The following LAMA3 variants were observed in gnomAD, a reference collection of about 807,000 sequenced individuals.
LAMA3 encodes the protein laminin subunit alpha 3.
In LAMA3, 281 loss-of-function variants were observed where a neutral mutation model predicts 402.0. The ratio of observed to expected loss-of-function variants is 0.70; its 90% confidence interval spans 0.63 to 0.77. The LOEUF is 0.77. Ranked by LOEUF, LAMA3 falls within the 30% of genes least tolerant of loss-of-function variation. The pLI is 0.00. For missense variants in LAMA3, 3,840 were observed against 4,215.5 expected (o/e 0.91, Z 2.47); for synonymous variants, 1,431 against 1,558.4 (o/e 0.92, Z 1.93).
In LAMA3 at chr18:23,927,609, T is replaced by G. The variant is rs79590478; in HGVS notation, c.8178-514T>G. Among the ~76,000 whole-genome samples the G allele has an allele frequency of 7.3e-3, 1,108 of 152,286 alleles. 20 individuals are homozygous for G. The highest frequency in any genetic ancestry group is 0.025 in the African/African-American group (1,045 of 41,552). On this transcript the variant is annotated intron_variant, in intron 62 of 74. Coordinates refer to ENST00000313654, the MANE Select transcript of LAMA3 (RefSeq NM_198129.4). ...TCAAGCTACGTTTTTCATAATTGAA[T>G]AGAACCAAAAAGTAACACTTTGTTT...
intron 32 of LAMA3, among the ~76,000 whole-genome samples, chr18:23,848,563 C>T (rs1444327234): frequency 6.6e-6 from 1 of 152,152 alleles, no homozygotes; most frequent in Non-Finnish European, 1.5e-5. Context: ...GCAGAAGTTT[C>T]ACCATGCACC....
intron 66 of LAMA3, 39 bp downstream of exon 66, chr18:23,932,330 GCCTGCCC>G: frequency 6.2e-7 from 1 of 1,609,280 alleles, no homozygotes; most frequent in Non-Finnish European, 8.5e-7. Context: ...GATGAGAACG[GCCTGCCC>G]ATGGGAAGGG....
At chr18:23,745,986 C>G (rs1239019988) in intron 2 of LAMA3, among the ~76,000 whole-genome samples, 2 of 152,222 alleles carry the variant, frequency 1.3e-5, no homozygotes, top group African/African-American at 4.8e-5. Context: ...ATTTTCCAAA[C>G]ATGAATTCTT....
At chr18:23,846,805 G>A (rs1419029172) in intron 31 of LAMA3, among the ~76,000 whole-genome samples, 1 of 152,222 alleles carries the variant, frequency 6.6e-6, no homozygotes, top group Admixed American at 6.5e-5. Flanking sequence ...AGGTGAGTGT[G>A]ACAAGTCTTA....
At chr18:23,945,817 A>T (rs1443686151) in intron 69 of LAMA3, among the ~76,000 whole-genome samples, 1 of 152,076 alleles carries the variant, frequency 6.6e-6, no homozygotes, top group Non-Finnish European at 1.5e-5. Context: ...CCTTTGTTAC[A>T]TGGAGGGGGT....
intron 61 of LAMA3, 103 bp from the exon 62 acceptor site, chr18:23,921,349 T>C (rs1419922680): frequency 7.8e-7 from 1 of 1,288,044 alleles, no homozygotes; most frequent in Non-Finnish European, 1.1e-6. Context: ...TGTATATAAA[T>C]GAATCTGGGG....
chr18:23,781,389 C>A (rs745466219), intron 11 of LAMA3: 2 of 426,606 alleles, frequency 4.7e-6, no homozygotes, highest in Non-Finnish European at 9.4e-6. Flanking sequence ...TTCTTCTACC[C>A]TCTTAGGTAC....
chr18:23,860,099 C>T (rs2064178764), intron 34 of LAMA3, among the ~76,000 whole-genome samples: 1 of 152,150 alleles, frequency 6.6e-6, no homozygotes. Context: ...TTTAGGAGCT[C>T]TGTGCCAGAA....
rs767375912 is a variant in LAMA3 at position 23,907,743 on chromosome 18, G to A, written c.6836-13G>A. On this transcript the variant is annotated splice_polypyrimidine_tract_variant and intron_variant, in intron 53 of 74. Transcript: ENST00000313654. ...TTTAGATACTTATACCTCCCTATCTGTGTGTGCATTAGGTGATATTGATGC... is the reference window on the plus strand; with the variant it reads ...TTTAGATACTTATACCTCCCTATCTATGTGTGCATTAGGTGATATTGATGC... 1.2e-6 allele frequency: 2 copies of A among 1,614,070 alleles called. No homozygotes were observed. The highest frequency in any genetic ancestry group is 2.2e-5 in the South Asian group (2 of 91,064).
intron 2 of LAMA3, among the ~76,000 whole-genome samples, chr18:23,745,959 G>A (rs982794601): frequency 5.9e-5 from 9 of 152,110 alleles, no homozygotes; most frequent in African/African-American, 2.2e-4. Context: ...AGTTTTTAGC[G>A]AAATATATTA....
rs1039904874 is a variant in LAMA3, at chr18:23,879,455, C to A, written c.5113-2481C>A. On this transcript the variant is annotated intron_variant, in intron 39 of 74. Coordinates refer to ENST00000313654, the MANE Select transcript of LAMA3 (RefSeq NM_198129.4). The surrounding 1 kb of genome is among the most constrained non-coding windows in gnomAD (Gnocchi z 4.2). ...TCCTCCTGCTCTCGTGGGATGCTGG[C>A]ACACTTGTGTCCTATTTTCCACGTG... Among the ~76,000 whole-genome samples the A allele has an allele frequency of 1.3e-5, 2 of 152,232 alleles. No homozygotes were observed. The highest frequency in any genetic ancestry group is 1.5e-5 in the Non-Finnish European group (1 of 68,042).
intron 24 of LAMA3, chr18:23,834,736 A>G (rs1363629963): frequency 2.0e-5 from 3 of 152,268 alleles, no homozygotes; most frequent in African/African-American, 7.2e-5. Flanking sequence ...ACATTGTATT[A>G]CTACTACTTT....
intron 5 of LAMA3, 106 bp from the exon 6 acceptor site, chr18:23,753,614 GA>G (rs1182895441): frequency 7.5e-6 from 6 of 794,794 alleles, no homozygotes; most frequent in Non-Finnish European, 1.1e-5. Context: ...CAAGAATACG[GA>G]ATTTTAAAAG....
chr18:23,799,458 A>T (rs760218706), intron 12 of LAMA3, among the ~76,000 whole-genome samples: 3 of 152,212 alleles, frequency 2.0e-5, no homozygotes, highest in Non-Finnish European at 2.9e-5. Context: ...ATTTTAAAAC[A>T]CTGCAAATGC....
chr18:23,930,415 G>C (rs1300954537), intron 64 of LAMA3, among the ~76,000 whole-genome samples: 1 of 152,098 alleles, frequency 6.6e-6, no homozygotes, highest in Non-Finnish European at 1.5e-5. Context: ...GCAATGAATT[G>C]ATCCGATAGA....
At chr18:23,933,324 G>A (rs1277214407) in intron 66 of LAMA3, among the ~76,000 whole-genome samples, 14 of 152,162 alleles carry the variant, frequency 9.2e-5, no homozygotes. Context: ...GGCTTCTAGA[G>A]GTGATATTAA....
chr18:23,847,294 C>T (rs2063838001), intron 31 of LAMA3, among the ~76,000 whole-genome samples, 170 bp from the exon 32 acceptor site: 1 of 152,226 alleles, frequency 6.6e-6, no homozygotes, highest in Admixed American at 6.5e-5. Flanking sequence ...ACACTGTCTG[C>T]CATGAGCATT....
At chr18:23,894,866 TC>T (rs772057501) in intron 43 of LAMA3, 40 bp from the exon 44 acceptor site, 2 of 1,613,380 alleles carry the variant, frequency 1.2e-6, no homozygotes, top group Admixed American at 1.7e-5. Context: ...GTCCCACGGC[TC>T]CCCCCACAGC....
chr18:23,847,714 C>G, intron 32 of LAMA3, 46 bp downstream of exon 32: 1 of 1,565,022 alleles, frequency 6.4e-7, no homozygotes, highest in South Asian at 1.1e-5. Context: ...AGGGAGGTCG[C>G]GTGCCATCTG....
Sources: allele counts gnomAD v4.1 joint callset (sites outside exome capture counted in the v4.1 genomes callset), GRCh38; gene constraint gnomAD v4.1.1; non-coding constraint Gnocchi (gnomAD v3.1); transcripts MANE v1.5; gene names NCBI Gene and HGNC (gene_info 2026-07-23, HGNC 2026-07-21).